XPO6: variants seen among roughly 807,000 people sequenced by gnomAD.
XPO6 encodes exportin-6.
XPO6 carries 3 observed loss-of-function variants against 130.0 expected under a neutral mutation model. The observed-to-expected ratio is 0.02, with a 90% CI of 0.01 to 0.06. XPO6 has a LOEUF of 0.06. XPO6 is among the 10% of genes least tolerant of loss of function. The probability of loss-of-function intolerance (pLI) is 1.00; values close to 1 mark genes in which losing one functional copy is unlikely to be tolerated. For synonymous variants in XPO6, 524 were observed against 548.9 expected (o/e 0.95, Z 0.63); for missense variants, 970 against 1,393.0 (o/e 0.70, Z 4.83).
At chr16:28,108,448 C>T (rs988868495) in intron 17 of XPO6, among the ~76,000 whole-genome samples, 7 of 152,066 alleles carry the variant, frequency 4.6e-5, no homozygotes, top group Admixed American at 1.3e-4. Flanking sequence ...CTGGGAGAGC[C>T]GACAACCCCA....
chr16:28,102,326 G>A (rs1048185859), intron 21 of XPO6, among the ~76,000 whole-genome samples: 9 of 152,052 alleles, frequency 5.9e-5, no homozygotes, highest in South Asian at 2.1e-4. Context: ...TGCATCCCCC[G>A]TCTCAAAAGC....
rs1324546465 is a variant in XPO6 at position 28,098,570 on chromosome 16, C to T, written c.3346G>A (p.Asp1116Asn). The change falls in exon 24 of 24, where the codon GAC becomes AAC. Residue 1116 changes from aspartate to asparagine, a missense_variant. By Grantham distance (23) the Asp-to-Asn change is conservative. Around this residue, in one of 4 missense-constraint regions of XPO6, gnomAD observed 936 missense variants for 1,306.8 expected, o/e 0.72. Transcript: ENST00000304658. ...TTCACAGTGCCAGGGGGCAGGCTGT[C>T]GTTGCAGAGTCTGTAGTAGCGCAGG... ...NDLRYYRLCNDSLPPGTVKL is the reference protein window; with the variant it reads ...NDLRYYRLCNNSLPPGTVKL 9 of 1,612,514 alleles carry T rather than the reference C, an allele frequency of 5.6e-6. No homozygotes were observed. The highest frequency in any genetic ancestry group is 7.6e-6 in the Non-Finnish European group (9 of 1,179,180).
chr16:28,185,483 A>C (rs1392095459), intron 1 of XPO6, among the ~76,000 whole-genome samples: 2 of 152,228 alleles, frequency 1.3e-5, no homozygotes, highest in African/African-American at 4.8e-5. Context: ...TCTGAGTGTT[A>C]GTTACACAAA....
chr16:28,167,201 A>G, intron 5 of XPO6: 1 of 985,340 alleles, frequency 1.0e-6, no homozygotes, highest in Non-Finnish European at 1.2e-6. Flanking sequence ...GCCTCACACG[A>G]TGGGGGCTTC....
intron 17 of XPO6, among the ~76,000 whole-genome samples, chr16:28,108,785 G>T (rs1398165868): frequency 6.6e-6 from 1 of 152,230 alleles, no homozygotes; most frequent in Non-Finnish European, 1.5e-5. Flanking sequence ...TGAGGAAGGG[G>T]TACGGCAGAA....
chr16:28,174,271 C>T lies in XPO6; in HGVS notation c.405+1627G>A, dbSNP rs372412513. Among the ~76,000 whole-genome samples the T allele has an allele frequency of 3.9e-5, 6 of 152,252 alleles. No homozygotes were observed. The South Asian group carries it at 6.2e-4, about 16-fold the overall frequency. On this transcript the variant is annotated intron_variant, in intron 4 of 23. Coordinates refer to ENST00000304658, the MANE Select transcript of XPO6 (RefSeq NM_015171.4). The stretch of plus-strand genomic sequence containing the variant: ...TTCCCCTAGATACCCACGTGGTGCA[C>T]GCCATCACCCCCACTCAGGTTTCTG...
intron 7 of XPO6, chr16:28,153,377 ACTTT>A: frequency 2.0e-6 from 2 of 985,254 alleles, no homozygotes; most frequent in Non-Finnish European, 2.4e-6. Context: ...AGCCTCAGGG[ACTTT>A]AGTCTGATGC....
intron 15 of XPO6, among the ~76,000 whole-genome samples, chr16:28,115,109 G>A (rs530554493): frequency 6.6e-6 from 1 of 152,286 alleles, no homozygotes; most frequent in African/African-American, 2.4e-5. Context: ...CTATGAGGCT[G>A]GGAACCAACT....
At chr16:28,133,811 C>T (rs751562044) in intron 11 of XPO6, 30 bp downstream of exon 11, 2 of 1,610,616 alleles carry the variant, frequency 1.2e-6, no homozygotes, top group South Asian at 1.1e-5. Flanking sequence ...GAAATCGCTA[C>T]ACTCTCCACT....
At chr16:28,172,131 A>G (rs910445805) in intron 4 of XPO6, among the ~76,000 whole-genome samples, 4 of 152,238 alleles carry the variant, frequency 2.6e-5, no homozygotes, top group Non-Finnish European at 5.9e-5. Flanking sequence ...GGAGAAGGTC[A>G]GGCAAGAAGC....
At chr16:28,155,381 A>C (rs921582744) in intron 7 of XPO6, among the ~76,000 whole-genome samples, 2 of 152,008 alleles carry the variant, frequency 1.3e-5, no homozygotes, top group Admixed American at 1.3e-4. Context: ...TACATAAATG[A>C]CCTCATCTGC....
rs959784878 is a variant in XPO6, at chr16:28,200,489, C to CT, written c.3+10876dup. On this transcript the variant is annotated intron_variant, in intron 1 of 23. Coordinates refer to ENST00000304658, the MANE Select transcript of XPO6 (RefSeq NM_015171.4). ...AAGTCATACTACTTTTTCTTTCTTT[C>CT]TTTTTTTTTTTGAGACGGAGTTTCG... Among the ~76,000 whole-genome samples, 780 of 146,852 alleles carry CT rather than the reference C, an allele frequency of 5.3e-3. 5 individuals carry two copies. Among genetic ancestry groups the CT allele is most frequent in the African/African-American group, 0.017 (686 of 40,326 alleles).
chr16:28,190,260 G>A (rs1045951579), intron 1 of XPO6, among the ~76,000 whole-genome samples: 4 of 146,678 alleles, frequency 2.7e-5, no homozygotes, highest in South Asian at 4.3e-4. Flanking sequence ...TAGCTCTATC[G>A]CCCAGCTGGA....
At chr16:28,187,153 G>T (rs747668266) in intron 1 of XPO6, among the ~76,000 whole-genome samples, 2 of 152,182 alleles carry the variant, frequency 1.3e-5, no homozygotes, top group Non-Finnish European at 2.9e-5. Flanking sequence ...AAGAAGGAAA[G>T]CATGCCTGAT....
At chr16:28,207,841 T>C (rs2044058100) in intron 1 of XPO6, among the ~76,000 whole-genome samples, 2 of 152,162 alleles carry the variant, frequency 1.3e-5, no homozygotes, top group Admixed American at 6.6e-5. Context: ...TTACTGATAC[T>C]GAATGACTAA....
chr16:28,160,385 T>C (rs530286119), intron 6 of XPO6, among the ~76,000 whole-genome samples: 3 of 150,500 alleles, frequency 2.0e-5, no homozygotes, highest in African/African-American at 4.9e-5. Context: ...CCACCTGTAA[T>C]CCCAACTACT....
intron 7 of XPO6, among the ~76,000 whole-genome samples, chr16:28,155,229 C>T (rs368551832): frequency 2.6e-5 from 4 of 152,128 alleles, no homozygotes; most frequent in Admixed American, 2.6e-4. Flanking sequence ...AGAATATTAG[C>T]AACTTTTGCT....
intron 11 of XPO6, 75 bp downstream of exon 11, chr16:28,133,766 C>T: frequency 7.3e-7 from 1 of 1,369,518 alleles, no homozygotes; most frequent in South Asian, 1.2e-5. Flanking sequence ...AGAGAGAGAT[C>T]CAGGGGAGTC....
chr16:28,127,104 G>A (rs1567607390), intron 12 of XPO6, among the ~76,000 whole-genome samples: 1 of 152,166 alleles, frequency 6.6e-6, no homozygotes, highest in Non-Finnish European at 1.5e-5. Flanking sequence ...GCTAAAAGGG[G>A]AGAGCCTAGA....
Sources: allele counts gnomAD v4.1 joint callset (sites outside exome capture counted in the v4.1 genomes callset), GRCh38; gene constraint gnomAD v4.1.1; regional missense constraint gnomAD v4.1.1; transcripts MANE v1.5; gene names NCBI Gene and HGNC (gene_info 2026-07-23, HGNC 2026-07-21).